ETV1: variants seen among roughly 807,000 people sequenced by gnomAD.
The protein encoded by ETV1 is ETS translocation variant 1.
ETV1 carries 27 observed loss-of-function variants against 62.3 expected under a neutral mutation model. That is an observed-to-expected ratio of 0.43 (90% CI 0.32 to 0.60). The LOEUF (loss-of-function observed/expected upper bound fraction) is 0.60, where lower values mean the gene tolerates loss of function less well. Ranked by LOEUF, ETV1 falls within the 20% of genes least tolerant of loss-of-function variation. The pLI is 0.06. For missense variants in ETV1, 605 were observed against 605.8 expected, an observed-to-expected ratio of 1.00 and a Z score of 0.01; for synonymous variants, 222 against 199.6, an observed-to-expected ratio of 1.11 and a Z score of -0.94.
In ETV1 at chr7:13,972,664, A is replaced by G. The variant is rs560558549; in HGVS notation, c.235+4763T>C. On this transcript the variant is annotated intron_variant, in intron 6 of 13. Coordinates refer to ENST00000430479, the MANE Select transcript of ETV1 (RefSeq NM_004956.5). ...TTTCCAACAGAGTGTCTGAGATATG[A>G]AAAGATTTATTGCTAAGGAATAAAC... 1.2e-4 allele frequency among the ~76,000 whole-genome samples: 18 copies of G among 152,356 alleles called. No homozygotes were observed. The South Asian group carries it at 2.9e-3, about 25-fold the overall frequency.
chr7:13,988,867 C>A, intron 3 of ETV1, 141 bp downstream of exon 3: 1 of 1,573,340 alleles, frequency 6.4e-7, no homozygotes, highest in Non-Finnish European at 8.7e-7. Context: ...CTTCTAGAAG[C>A]AGAGTCGCCC....
chr7:13,942,078 C>T (rs1447858514), intron 6 of ETV1, among the ~76,000 whole-genome samples: 2 of 137,534 alleles, frequency 1.5e-5, no homozygotes, highest in African/African-American at 5.6e-5. Flanking sequence ...GGCTGGAGTG[C>T]AGTGGCGCGA....
intron 13 of ETV1, among the ~76,000 whole-genome samples, chr7:13,898,717 T>C (rs1782094050): frequency 6.6e-6 from 1 of 152,236 alleles, no homozygotes; most frequent in South Asian, 2.1e-4. Context: ...TATAAATATT[T>C]TCTCCTACAT....
chr7:13,990,359 G>A (rs922988156), upstream of ETV1: 3 of 152,220 alleles, frequency 2.0e-5, no homozygotes, highest in African/African-American at 7.2e-5. Flanking sequence ...GTTGTGATGG[G>A]AGGACAACAG....
At chr7:13,921,834 G>A (rs989931413) in intron 9 of ETV1, among the ~76,000 whole-genome samples, 15 of 152,262 alleles carry the variant, frequency 9.9e-5, no homozygotes, top group African/African-American at 3.1e-4. Flanking sequence ...TCACCAAAGA[G>A]TGAACGTATA....
At chr7:13,973,246 C>A (rs140093462) in intron 6 of ETV1, among the ~76,000 whole-genome samples, 2 of 152,256 alleles carry the variant, frequency 1.3e-5, no homozygotes, top group Non-Finnish European at 2.9e-5. Context: ...AAAGCTAAGG[C>A]AGAAGCATCT....
chr7:13,896,743 G>GGAAAGAAAGAAAGAAAGAAGAAA (rs1554288440), intron 13 of ETV1, among the ~76,000 whole-genome samples: 5 of 115,300 alleles, frequency 4.3e-5, no homozygotes, highest in African/African-American at 1.0e-4. Context: ...AAGAAAGAAA[G>GGAAAGAAAGAAAGAAAGAAGAAA]GAAAGAAAGA....
At chr7:13,948,504 T>C (rs147327541) in intron 6 of ETV1, among the ~76,000 whole-genome samples, 113 of 152,328 alleles carry the variant, frequency 7.4e-4, no homozygotes, top group African/African-American at 2.5e-3. Flanking sequence ...TAGTCTTCTG[T>C]ATGCTGTTCT....
At chr7:13,965,922 T>G (rs1344893473) in intron 6 of ETV1, among the ~76,000 whole-genome samples, 1 of 152,182 alleles carries the variant, frequency 6.6e-6, no homozygotes, top group African/African-American at 2.4e-5. Context: ...CCCAAGAAAC[T>G]ATTCATTCAA....
chr7:13,908,070 T>A (rs1738334968), intron 11 of ETV1, among the ~76,000 whole-genome samples: 1 of 152,162 alleles, frequency 6.6e-6, no homozygotes, highest in African/African-American at 2.4e-5. Context: ...TTTTATAGTC[T>A]CTATATTGCT....
At chr7:13,986,455 G>A (rs555909985) in intron 5 of ETV1, 183 bp downstream of exon 5, 7 of 1,503,674 alleles carry the variant, frequency 4.7e-6, no homozygotes, top group Non-Finnish European at 5.3e-6. Context: ...ATGACACTGG[G>A]TAGTACAGCC....
In ETV1 at chr7:13,896,067, G is replaced by C; in HGVS notation, c.1233C>G (p.Val411=). ...CTTCTGGATCACACACAAACTTGTA[G>C]ACATATCTCTCTCCAGCCACCTGAT... ...IMQKVAGERY[V]YKFVCDPEAL... Residue 411 remains valine (V), a synonymous_variant, in exon 14 of 14, where the codon GTC becomes GTG. Coordinates refer to ENST00000430479, the MANE Select transcript of ETV1 (RefSeq NM_004956.5). 6.2e-7 allele frequency: 1 copy of C among 1,613,244 alleles called. No individual in the cohort carries two copies. Among genetic ancestry groups the C allele is most frequent in the Non-Finnish European group, 8.5e-7 (1 of 1,179,602 alleles).
chr7:13,966,168 C>T (rs1790753451), intron 6 of ETV1, among the ~76,000 whole-genome samples: 2 of 152,120 alleles, frequency 1.3e-5, no homozygotes, highest in African/African-American at 4.8e-5. Context: ...AATAGTAATA[C>T]TTAACAGTAG....
intron 5 of ETV1, among the ~76,000 whole-genome samples, chr7:13,979,442 A>G (rs886265906): frequency 2.0e-5 from 3 of 151,834 alleles, no homozygotes; most frequent in South Asian, 2.1e-4. Context: ...TTAACACAAC[A>G]TATTTTTTTG....
chr7:13,951,938 T>C (rs1282413009), intron 6 of ETV1, among the ~76,000 whole-genome samples: 1 of 152,152 alleles, frequency 6.6e-6, no homozygotes, highest in African/African-American at 2.4e-5. Flanking sequence ...CTCAAGGATG[T>C]ACACTGACTC....
At chr7:13,947,123 A>C (rs1788257440) in intron 6 of ETV1, among the ~76,000 whole-genome samples, 1 of 152,218 alleles carries the variant, frequency 6.6e-6, no homozygotes, top group African/African-American at 2.4e-5. Context: ...CTTCCCAAAC[A>C]ATCATAACAT....
chr7:13,908,759 T>C (rs1411146173), intron 11 of ETV1, among the ~76,000 whole-genome samples: 1 of 152,090 alleles, frequency 6.6e-6, no homozygotes, highest in Non-Finnish European at 1.5e-5. Context: ...AGCATGTACA[T>C]TGCTGTTTAA....
In ETV1 at chr7:13,914,614, A is replaced by G. The variant is rs2282882; in HGVS notation, c.803-3307T>C. ...CTTCAAATTAAAATACGCAGACAAG[A>G]AACTAAAAAAAAAAAAAAAAAAAGT... On this transcript the variant is annotated intron_variant, in intron 9 of 13. Transcript: ENST00000430479. Among the ~76,000 whole-genome samples, 858 of 138,866 alleles carry G rather than the reference A, an allele frequency of 6.2e-3. 56 individuals are homozygous for G. The East Asian group carries it at 0.14, about 23-fold the overall frequency. The allele number at this position is 138,866 out of a possible 152,430, so 91.1% of individuals were successfully genotyped here.
In ETV1 at chr7:13,893,074, A is replaced by T; in HGVS notation, c.*2792T>A. On this transcript the variant is annotated 3_prime_UTR_variant, in exon 14 of 14. Transcript: ENST00000430479. ...ATTCTGAAGCACTTTTCATGGACAT[A>T]ACAAGAAAAATTATTTTTACTTAGT... 1 of 232,844 alleles carries T rather than the reference A, an allele frequency of 4.3e-6. No homozygotes were observed. The highest frequency in any genetic ancestry group is 8.5e-6 in the Non-Finnish European group (1 of 117,830). The allele number at this position is 232,844 out of a possible 1,614,324, so 14.4% of individuals were successfully genotyped here.
Sources: allele counts gnomAD v4.1 joint callset (sites outside exome capture counted in the v4.1 genomes callset), GRCh38; gene constraint gnomAD v4.1.1; transcripts MANE v1.5; gene names NCBI Gene and HGNC (gene_info 2026-07-23, HGNC 2026-07-21).